The following OVCH1 variants were observed in gnomAD, a reference collection of about 807,000 sequenced individuals.
The protein encoded by OVCH1 is ovochymase-1.
A neutral mutation model predicts 138.4 loss-of-function variants in OVCH1; 139 were observed. That is an observed-to-expected ratio of 1.00 (90% confidence interval 0.87 to 1.16). OVCH1 has a LOEUF of 1.16. Ranked by LOEUF, OVCH1 falls within the 50% of genes most tolerant of loss-of-function variation. The pLI, the probability that OVCH1 is intolerant of heterozygous loss-of-function variation, is 0.00. For missense variants in OVCH1, 1,367 were observed against 1,357.9 expected, an observed-to-expected ratio of 1.01 and a Z score of -0.11; for synonymous variants, 453 against 467.8, an observed-to-expected ratio of 0.97 and a Z score of 0.41.
chr12:29,472,130 A>G (rs1942533862), intron 15 of OVCH1, 148 bp from the exon 16 acceptor site: 2 of 954,126 alleles, frequency 2.1e-6, no homozygotes, highest in Non-Finnish European at 2.9e-6. Context: ...CCTCTGAAAA[A>G]TCTGATTTTA....
downstream of OVCH1, among the ~76,000 whole-genome samples, chr12:29,407,739 G>C (rs956060868): frequency 6.6e-6 from 1 of 151,980 alleles, no homozygotes; most frequent in Non-Finnish European, 1.5e-5. Context: ...GTCAGGTAGT[G>C]TGATGCCTCC....
chr12:29,429,911 CCTTA>C (rs138730296), intron 27 of OVCH1, among the ~76,000 whole-genome samples: 1 of 152,194 alleles, frequency 6.6e-6, no homozygotes, highest in Non-Finnish European at 1.5e-5. Context: ...ATCCACAGAT[CCTTA>C]CTTATGTTTA....
chr12:29,466,014 G>A (rs757029018), intron 16 of OVCH1, among the ~76,000 whole-genome samples: 8 of 146,762 alleles, frequency 5.5e-5, no homozygotes, highest in Non-Finnish European at 7.4e-5. Context: ...ACCAGACACC[G>A]CATGTTCTCA....
intron 25 of OVCH1, chr12:29,440,446 G>A: frequency 4.6e-6 from 1 of 218,636 alleles, no homozygotes; most frequent in Admixed American, 5.7e-5. Context: ...AGAGGCAATA[G>A]GGTGACAGTC....
intron 3 of OVCH1, among the ~76,000 whole-genome samples, chr12:29,413,544 C>T (rs1026332714): frequency 3.3e-5 from 5 of 151,848 alleles, no homozygotes; most frequent in African/African-American, 1.2e-4. Flanking sequence ...TCTTTCTTCC[C>T]AGATGTATCA....
At chr12:29,447,095 G>GTA (rs1468077183) in intron 22 of OVCH1, among the ~76,000 whole-genome samples, 1 of 151,926 alleles carries the variant, frequency 6.6e-6, no homozygotes, top group Non-Finnish European at 1.5e-5. Context: ...AAATATCTTT[G>GTA]TATATAAAGC....
At chr12:29,436,586 G>A (rs913201374) in intron 26 of OVCH1, among the ~76,000 whole-genome samples, 2 of 152,126 alleles carry the variant, frequency 1.3e-5, no homozygotes, top group Non-Finnish European at 2.9e-5. Context: ...CATTTGCGGC[G>A]AGTGTTACAG....
At chr12:29,444,375 C>G in intron 23 of OVCH1, 95 bp from the exon 24 acceptor site, 2 of 1,281,080 alleles carry the variant, frequency 1.6e-6, no homozygotes, top group Non-Finnish European at 2.1e-6. Flanking sequence ...GCTCTCTTCC[C>G]TAATTGTCCT....
intron 26 of OVCH1, among the ~76,000 whole-genome samples, chr12:29,438,994 A>G (rs1338452541): frequency 6.6e-6 from 1 of 152,222 alleles, no homozygotes; most frequent in Non-Finnish European, 1.5e-5. Context: ...AATTGAAAAT[A>G]AAATGTAGAC....
At chr12:29,475,918 A>G (rs1043361119) in intron 13 of OVCH1, among the ~76,000 whole-genome samples, 1 of 152,230 alleles carries the variant, frequency 6.6e-6, no homozygotes, top group Non-Finnish European at 1.5e-5. Context: ...GAAAGCAGGA[A>G]GCTGTAAAAT....
At chr12:29,432,234 T>C (rs568978572) in intron 27 of OVCH1, among the ~76,000 whole-genome samples, 90 of 152,318 alleles carry the variant, frequency 5.9e-4, no homozygotes, top group African/African-American at 2.1e-3. Context: ...CATTGGATTA[T>C]AAACATGATC....
intron 3 of OVCH1, 99 bp downstream of exon 3, chr12:29,496,082 G>A: frequency 9.0e-7 from 1 of 1,115,898 alleles, no homozygotes; most frequent in Non-Finnish European, 1.3e-6. Context: ...GCAAAAGTAA[G>A]AAAGGGACTG....
In OVCH1 at chr12:29,491,085, G is replaced by A. The variant is rs376706220; in HGVS notation, c.550+12C>T. On this transcript the variant is annotated intron_variant, in intron 5 of 27. Coordinates refer to ENST00000318184, the Ensembl canonical transcript of OVCH1. ...GCTGGAAGAAGTATTAAGTCATTTT[G>A]GTGTCTCTTACTTTTGGAAATCTTG... 1 of 1,602,564 alleles carries A rather than the reference G, an allele frequency of 6.2e-7. No individual in the cohort carries two copies. The highest frequency in any genetic ancestry group is 8.5e-7 in the Non-Finnish European group (1 of 1,169,938).
chr12:29,442,338 T>C (rs1245409032), intron 25 of OVCH1, among the ~76,000 whole-genome samples: 1 of 147,744 alleles, frequency 6.8e-6, no homozygotes, highest in Non-Finnish European at 1.5e-5. Context: ...TGGATGAAAT[T>C]GGAAATCATC....
chr12:29,437,013 T>A (rs979595409), intron 26 of OVCH1, among the ~76,000 whole-genome samples: 1 of 152,202 alleles, frequency 6.6e-6, no homozygotes, highest in Non-Finnish European at 1.5e-5. Flanking sequence ...TACAGAGTGC[T>A]GACTGGTCCG....
rs571542959 is a variant in OVCH1, at chr12:29,457,645, C to T, written c.2281-2240G>A. ...GTCTCGATCTGCTGACCTCATGATC[C>T]GCCTGCCTTGGCCTCCCAAAGTGCT... On this transcript the variant is annotated intron_variant, in intron 19 of 27. Coordinates refer to ENST00000318184, the Ensembl canonical transcript of OVCH1. 3.7e-4 allele frequency among the ~76,000 whole-genome samples: 56 copies of T among 151,912 alleles called. 1 individual carries two copies. Among genetic ancestry groups the T allele is most frequent in the South Asian group, 8.3e-4 (4 of 4,798 alleles).
At chr12:29,496,066 T>C (rs1565618597) in intron 3 of OVCH1, 115 bp downstream of exon 3, 1 of 908,466 alleles carries the variant, frequency 1.1e-6, no homozygotes, top group Non-Finnish European at 1.7e-6. Context: ...GTGGGTACAC[T>C]GGGAGGCAAA....
intron 21 of OVCH1, 72 bp from the exon 22 acceptor site, chr12:29,451,641 G>A: frequency 8.1e-7 from 1 of 1,228,068 alleles, no homozygotes; most frequent in Non-Finnish European, 1.1e-6. Flanking sequence ...TCTATCACAA[G>A]ACTGAAAAAT....
intron 18 of OVCH1, chr12:29,464,301 T>G (rs1404895462): frequency 3.2e-6 from 2 of 622,838 alleles, no homozygotes; most frequent in African/African-American, 3.7e-5. Flanking sequence ...TCATCTAGCC[T>G]ACTTATAATC....
Sources: allele counts gnomAD v4.1 joint callset (sites outside exome capture counted in the v4.1 genomes callset), GRCh38; gene constraint gnomAD v4.1.1; transcripts MANE v1.5; gene names NCBI Gene and HGNC (gene_info 2026-07-23, HGNC 2026-07-21).